The following DOCK4 variants were observed in gnomAD, a reference collection of about 807,000 sequenced individuals.
DOCK4 encodes dedicator of cytokinesis 4.
A neutral mutation model predicts 268.1 loss-of-function variants in DOCK4; 97 were observed. The ratio of observed to expected loss-of-function variants is 0.36; its 90% CI spans 0.31 to 0.43. DOCK4 has a LOEUF of 0.43. Ranked by LOEUF, DOCK4 falls within the 20% of genes least tolerant of loss-of-function variation. The pLI is 1.00. For synonymous variants in DOCK4, 954 were observed against 887.2 expected (o/e 1.08, Z -1.34); for missense variants, 2,145 against 2,455.7 (o/e 0.87, Z 2.67).
intron 1 of DOCK4, among the ~76,000 whole-genome samples, chr7:112,194,299 A>G (rs1441626737): frequency 6.6e-6 from 1 of 152,210 alleles, no homozygotes; most frequent in East Asian, 1.9e-4. Flanking sequence ...CACCAACATC[A>G]GTCTTCTAAG....
At chr7:111,998,812 C>T (rs1800181484) in intron 3 of DOCK4, among the ~76,000 whole-genome samples, 1 of 152,042 alleles carries the variant, frequency 6.6e-6, no homozygotes, top group Admixed American at 6.6e-5. Flanking sequence ...TATATAAAAA[C>T]CATGTTATAC....
intron 1 of DOCK4, among the ~76,000 whole-genome samples, chr7:112,006,456 G>T (rs557360210): frequency 6.6e-6 from 1 of 152,260 alleles, no homozygotes; most frequent in Non-Finnish European, 1.5e-5. Flanking sequence ...TTTAAAACTG[G>T]GATGACAGCT....
chr7:111,760,561 C>T (rs1217041115), intron 39 of DOCK4, among the ~76,000 whole-genome samples: 1 of 152,180 alleles, frequency 6.6e-6, no homozygotes, highest in Non-Finnish European at 1.5e-5. Context: ...CTTCCCGGTT[C>T]ACTTGCATGA....
intron 12 of DOCK4, among the ~76,000 whole-genome samples, chr7:111,931,318 G>A (rs1794181570): frequency 6.6e-6 from 1 of 152,180 alleles, no homozygotes; most frequent in Admixed American, 6.5e-5. Context: ...ACAACACGTA[G>A]CTTTTCATTT....
At chr7:111,989,248 A>G (rs1173282886) in intron 5 of DOCK4, 85 bp from the exon 6 acceptor site, 1 of 1,550,844 alleles carries the variant, frequency 6.4e-7, no homozygotes, top group African/African-American at 1.4e-5. Context: ...GAAGAGGCCC[A>G]TTCTGGTTAC....
intron 1 of DOCK4, among the ~76,000 whole-genome samples, chr7:112,141,508 A>G (rs2116277088): frequency 6.6e-6 from 1 of 152,298 alleles, no homozygotes; most frequent in Admixed American, 6.5e-5. Flanking sequence ...CCTTAGAAGC[A>G]AACACTGAGA....
At chr7:112,020,645 C>T (rs896520499) in intron 1 of DOCK4, among the ~76,000 whole-genome samples, 2 of 141,532 alleles carry the variant, frequency 1.4e-5, no homozygotes, top group Non-Finnish European at 3.0e-5. Flanking sequence ...CCAAAACTGA[C>T]TTGGCTTTCT....
intron 1 of DOCK4, among the ~76,000 whole-genome samples, chr7:112,117,690 T>C (rs770264254): frequency 3.9e-5 from 6 of 152,216 alleles, no homozygotes; most frequent in Non-Finnish European, 7.3e-5. Flanking sequence ...TTTTGTAAAA[T>C]GTATTGCTGA....
chr7:111,863,294 G>A (rs558014673), intron 23 of DOCK4, 78 bp downstream of exon 23: 44 of 1,497,450 alleles, frequency 2.9e-5, no homozygotes, highest in Admixed American at 1.1e-4. Flanking sequence ...GTTTTTAATT[G>A]CATCTGCTGA....
intron 44 of DOCK4, among the ~76,000 whole-genome samples, chr7:111,745,141 T>C (rs1488430860): frequency 3.9e-5 from 6 of 152,230 alleles, no homozygotes; most frequent in Admixed American, 1.3e-4. Context: ...AGATTACTCA[T>C]TCCAGTTCTT....
chr7:111,843,495 C>A (rs1476102356), intron 25 of DOCK4, among the ~76,000 whole-genome samples: 2 of 152,098 alleles, frequency 1.3e-5, no homozygotes, highest in Non-Finnish European at 2.9e-5. Flanking sequence ...TCATTAGGGA[C>A]ATGCAAATTA....
At chr7:111,848,043 C>A (rs138282373) in intron 23 of DOCK4, among the ~76,000 whole-genome samples, 9 of 152,130 alleles carry the variant, frequency 5.9e-5, no homozygotes, top group African/African-American at 2.2e-4. Context: ...ATGTAACTCG[C>A]CTTGACCCTT....
At chr7:111,869,259 T>TA (rs1806226619) in intron 21 of DOCK4, among the ~76,000 whole-genome samples, 1 of 152,154 alleles carries the variant, frequency 6.6e-6, no homozygotes, top group South Asian at 2.1e-4. Context: ...CAGGAACTTC[T>TA]AAGCTTAACT....
Position 111,739,463 on chromosome 7 carries a change from G to C in DOCK4, c.5055C>G (p.Thr1685=), listed in dbSNP as rs758459984. ...CCGAGTGAGTAGAACTCAAGCTTGA[G>C]GTAGATGGACTTGGCTGGAAACACA... ...EVFNMQPSPS[T]SSLSSTHSAS... Residue 1685 remains threonine, a synonymous_variant, in exon 48 of 53, where the codon ACC becomes ACG. Coordinates refer to ENST00000428084, the MANE Select transcript of DOCK4 (RefSeq NM_001363540.2). 5 of 1,568,634 alleles carry C rather than the reference G, an allele frequency of 3.2e-6. No individual in the cohort carries two copies. In the Admixed American group the frequency reaches 9.5e-5, roughly 30 times the overall value.
intron 13 of DOCK4, among the ~76,000 whole-genome samples, chr7:111,909,520 A>C (rs953418484): frequency 6.6e-6 from 1 of 152,262 alleles, no homozygotes; most frequent in Non-Finnish European, 1.5e-5. Context: ...ACTTGGAATC[A>C]ATCCAAATGC....
At chr7:111,890,356 C>G (rs1295135153) in intron 16 of DOCK4, among the ~76,000 whole-genome samples, 1 of 152,096 alleles carries the variant, frequency 6.6e-6, no homozygotes, top group African/African-American at 2.4e-5. Context: ...AATACCAAAA[C>G]TTAAGATTAA....
At chr7:111,838,437 C>T (rs1221051271) in intron 25 of DOCK4, among the ~76,000 whole-genome samples, 1 of 152,054 alleles carries the variant, frequency 6.6e-6, no homozygotes, top group Non-Finnish European at 1.5e-5. Flanking sequence ...AATAAACAAA[C>T]TGCAGTATAT....
At chr7:111,912,896 G>A (rs1239745278) in intron 13 of DOCK4, among the ~76,000 whole-genome samples, 1 of 151,654 alleles carries the variant, frequency 6.6e-6, no homozygotes, top group Non-Finnish European at 1.5e-5. Flanking sequence ...TTTTTAAAAG[G>A]CTATTCTCTC....
chr7:112,148,226 T>C lies in DOCK4; in HGVS notation c.37+57876A>G, dbSNP rs559855569. ...TTCATTGCTGGAGTCAAGATTATAA[T>C]AGGGATTCCAGTGATTGATGCTGGG... On this transcript the variant is annotated intron_variant, in intron 1 of 52. Transcript: ENST00000428084. Among the ~76,000 whole-genome samples, 3 of 152,170 alleles carry C rather than the reference T, an allele frequency of 2.0e-5. No homozygotes were observed. The East Asian group carries it at 5.8e-4, about 30-fold the overall frequency.
Sources: allele counts gnomAD v4.1 joint callset (sites outside exome capture counted in the v4.1 genomes callset), GRCh38; gene constraint gnomAD v4.1.1; transcripts MANE v1.5; gene names NCBI Gene and HGNC (gene_info 2026-07-23, HGNC 2026-07-21).